Variants in C1orf94 observed in about 807,000 individuals in gnomAD.
C1orf94 encodes the protein uncharacterized protein C1orf94.
A neutral mutation model predicts 53.6 loss-of-function variants in C1orf94; 45 were observed. The ratio of observed to expected loss-of-function variants is 0.84; its 90% CI spans 0.66 to 1.08. The LOEUF (loss-of-function observed/expected upper bound fraction) is 1.08, where lower values mean the gene tolerates loss of function less well. Among genes scored for constraint, C1orf94 ranks in the 50% least tolerant of loss-of-function variants. The probability of loss-of-function intolerance (pLI) is 0.00; values close to 1 mark genes in which losing one functional copy is unlikely to be tolerated. For missense variants in C1orf94, 762 were observed against 738.9 expected (o/e 1.03, Z -0.36); for synonymous variants, 304 against 296.1 (o/e 1.03, Z -0.27).
intron 5 of C1orf94, 101 bp downstream of exon 5, chr1:34,208,335 C>T: frequency 1.7e-6 from 2 of 1,173,000 alleles, no homozygotes; most frequent in Non-Finnish European, 2.5e-6. Context: ...TGACCAGACA[C>T]CTGGCCCACC....
At chr1:34,204,375 G>A (rs1248896411) in intron 4 of C1orf94, among the ~76,000 whole-genome samples, 1 of 152,106 alleles carries the variant, frequency 6.6e-6, no homozygotes, top group African/African-American at 2.4e-5. Flanking sequence ...GTCCCCTCCC[G>A]AGGGAGGGAA....
rs192939555 is a variant in C1orf94, at chr1:34,202,285, G to A, written c.1446+26G>A. On this transcript the variant is annotated intron_variant, in intron 4 of 6. Coordinates refer to ENST00000488417, the MANE Select transcript of C1orf94 (RefSeq NM_001134734.2). ...GTCAGTGAGCTGGCCTGGCTCTCCT[G>A]TGGACATCCACGGGGGTTTTGGCCA... 7.5e-6 allele frequency: 12 copies of A among 1,609,268 alleles called. No homozygotes were observed. The African/African-American group carries it at 1.3e-4, about 18-fold the overall frequency.
At chr1:34,194,163 C>T (rs1252310226) in intron 1 of C1orf94, among the ~76,000 whole-genome samples, 5 of 152,118 alleles carry the variant, frequency 3.3e-5, no homozygotes, top group Non-Finnish European at 7.4e-5. Context: ...ATGGGTGCAT[C>T]GTAACTAAGA....
intron 4 of C1orf94, 35 bp downstream of exon 4, chr1:34,202,294 C>T (rs376155375): frequency 1.6e-5 from 26 of 1,602,214 alleles, no homozygotes; most frequent in Non-Finnish European, 2.1e-5. Flanking sequence ...TGTGGACATC[C>T]ACGGGGGTTT....
chr1:34,184,025 A>C (rs900908548), intron 1 of C1orf94, among the ~76,000 whole-genome samples: 1 of 152,168 alleles, frequency 6.6e-6, no homozygotes, highest in African/African-American at 2.4e-5. Flanking sequence ...TGCCAGTGCC[A>C]TGGAAGCGCA....
At chr1:34,180,294 G>C (rs1224626870) in intron 1 of C1orf94, among the ~76,000 whole-genome samples, 1 of 152,124 alleles carries the variant, frequency 6.6e-6, no homozygotes, top group Non-Finnish European at 1.5e-5. Flanking sequence ...TACAATTATT[G>C]CATGAGGTAG....
At chr1:34,172,286 T>C (rs1557473454), upstream of C1orf94, among the ~76,000 whole-genome samples, 2 of 152,218 alleles carry the variant, frequency 1.3e-5, no homozygotes, top group Admixed American at 1.3e-4. Flanking sequence ...AGGACCTTCC[T>C]TTTCCCTAAC....
chr1:34,198,237 G>A (rs1642637451), intron 2 of C1orf94, among the ~76,000 whole-genome samples: 1 of 152,210 alleles, frequency 6.6e-6, no homozygotes. Flanking sequence ...TGAAGGAAGT[G>A]TTTACCCTAG....
chr1:34,175,082 T>C (rs1354112566), upstream of C1orf94, among the ~76,000 whole-genome samples: 3 of 152,190 alleles, frequency 2.0e-5, no homozygotes, highest in Non-Finnish European at 4.4e-5. Context: ...CATAGCTTTA[T>C]ACTATTTCTA....
intron 1 of C1orf94, among the ~76,000 whole-genome samples, chr1:34,178,732 A>G (rs1420418143): frequency 6.6e-6 from 1 of 152,176 alleles, no homozygotes; most frequent in African/African-American, 2.4e-5. Flanking sequence ...TTTCTCCATC[A>G]GGGCAAAGTT....
intron 1 of C1orf94, among the ~76,000 whole-genome samples, chr1:34,167,843 A>C (rs1241139918): frequency 1.3e-5 from 2 of 152,144 alleles, no homozygotes; most frequent in Non-Finnish European, 2.9e-5. Flanking sequence ...TAAGAAGGAA[A>C]GTAGGATTTG....
Position 34,197,409 on chromosome 1 carries a change from G to A in C1orf94, c.505G>A (p.Gly169Ser). Residue 169 changes from glycine (G) to serine (S), a missense_variant, in exon 2 of 7, where the codon GGC (glycine) becomes AGC (serine). Gly to Ser is a moderately conservative substitution (Grantham distance 56). Transcript: ENST00000488417. This position sits in a 1 kb window ranked among gnomAD's most constrained non-coding sequence, Gnocchi z 4.1. Reference sequence around the variant, plus strand: ...CATTCTTGCCCCTCCTCTAGTGGCAGGCAGTAATGAGCGCCCCAGAGCCTC... The same window carrying A: ...CATTCTTGCCCCTCCTCTAGTGGCAAGCAGTAATGAGCGCCCCAGAGCCTC... The part of the protein sequence containing the change: ...PCILAPPLVA[G>S]SNERPRASII... 1.2e-6 allele frequency: 2 copies of A among 1,613,932 alleles called. No individual in the cohort carries two copies. Among genetic ancestry groups the A allele is most frequent in the Admixed American group, 3.3e-5 (2 of 60,026 alleles).
intron 1 of C1orf94, 86 bp downstream of exon 1, chr1:34,178,195 T>C (rs1280615646): frequency 7.2e-7 from 1 of 1,379,860 alleles, no homozygotes; most frequent in East Asian, 2.5e-5. Flanking sequence ...GGCCCACTGT[T>C]GAGGCTGGTG....
intron 1 of C1orf94, among the ~76,000 whole-genome samples, chr1:34,183,002 A>G (rs1642333341): frequency 6.6e-6 from 1 of 152,246 alleles, no homozygotes; most frequent in African/African-American, 2.4e-5. Context: ...AGTCTAAGAC[A>G]TCAGCCTGAG....
intron 6 of C1orf94, among the ~76,000 whole-genome samples, chr1:34,215,414 C>T (rs189417863): frequency 7.9e-5 from 12 of 152,282 alleles, no homozygotes; most frequent in African/African-American, 2.9e-4. Context: ...AGGACATGTT[C>T]TAATCTTCTA....
chr1:34,171,265 C>T (rs369314959), intron 1 of C1orf94, among the ~76,000 whole-genome samples: 2 of 152,316 alleles, frequency 1.3e-5, no homozygotes, highest in East Asian at 1.9e-4. Flanking sequence ...TCCCCTTTCC[C>T]CTGGATCCTT....
chr1:34,207,511 C>T (rs1322946923), intron 4 of C1orf94, among the ~76,000 whole-genome samples: 1 of 152,158 alleles, frequency 6.6e-6, no homozygotes, highest in Non-Finnish European at 1.5e-5. Context: ...CACAGTGCCC[C>T]TCTCCGTAAG....
chr1:34,197,782 C>A lies in C1orf94; in HGVS notation c.878C>A (p.Pro293His). 1 of 1,614,216 alleles carries A rather than the reference C, an allele frequency of 6.2e-7. No homozygotes were observed. The highest frequency in any genetic ancestry group is 8.5e-7 in the Non-Finnish European group (1 of 1,180,054). The change falls in exon 2 of 7, where the codon CCT (proline) becomes CAT (histidine). Residue 293 changes from proline (P) to histidine (H), a missense_variant. Physicochemically the swap from Pro to His is moderately conservative, Grantham distance 77 (BLOSUM62 -2). Transcript: ENST00000488417. The surrounding 1 kb of genome is among the most constrained non-coding windows in gnomAD (Gnocchi z 4.1). Reference sequence around the variant, plus strand: ...GGGCTGAGCCCATTTCTGCTGCTGCCTCCCCGACCTCCTCCTGCACGTCCT... The same window carrying A: ...GGGCTGAGCCCATTTCTGCTGCTGCATCCCCGACCTCCTCCTGCACGTCCT... ...PTGLSPFLLL[P>H]PRPPPARPDK...
At chr1:34,186,122 AC>A (rs1642381505) in intron 1 of C1orf94, among the ~76,000 whole-genome samples, 1 of 152,188 alleles carries the variant, frequency 6.6e-6, no homozygotes, top group African/African-American at 2.4e-5. Flanking sequence ...GAAATAAACA[AC>A]TATGTCCCAC....
Sources: allele counts gnomAD v4.1 joint callset (sites outside exome capture counted in the v4.1 genomes callset), GRCh38; gene constraint gnomAD v4.1.1; non-coding constraint Gnocchi (gnomAD v3.1); transcripts MANE v1.5; gene names NCBI Gene and HGNC (gene_info 2026-07-23, HGNC 2026-07-21).